Variants in ACP7 observed in about 807,000 individuals in gnomAD.
ACP7 encodes acid phosphatase type 7.
In ACP7, 58 loss-of-function variants were observed where a neutral mutation model predicts 60.6. The ratio of observed to expected loss-of-function variants is 0.96; its 90% CI spans 0.77 to 1.19. The LOEUF (loss-of-function observed/expected upper bound fraction) is 1.19. Ranked by LOEUF, ACP7 falls within the 50% of genes most tolerant of loss-of-function variation. ACP7 has a pLI of 0.00. For synonymous variants in ACP7, 237 were observed against 232.6 expected (o/e 1.02, Z -0.17); for missense variants, 574 against 596.2 (o/e 0.96, Z 0.39).
intron 12 of ACP7, among the ~76,000 whole-genome samples, chr19:39,109,411 A>C (rs1041222751): frequency 1.3e-5 from 2 of 152,090 alleles, no homozygotes; most frequent in Non-Finnish European, 2.9e-5. Context: ...CAACATGCTT[A>C]AGGCCACCTA....
rs778966646 is a variant in ACP7 at position 39,098,585 on chromosome 19, CG to C, written c.254del (p.Gly85AlafsTer116). On this transcript the variant is annotated frameshift_variant, in exon 3 of 13. Transcript: ENST00000331256. LOFTEE classifies it high-confidence loss of function. Reference protein sequence around the residue: ...AQGTFVPFVDGGILRRKLYIH... With the variant: ...AQGTFVPFVDXGILRRKLYIH... Reference sequence around the variant, plus strand: ...AGGGCACCTTCGTCCCCTTTGTGGACGGGGGCATTCTCCGGCGGAAGCTCTA... The same window carrying C: ...AGGGCACCTTCGTCCCCTTTGTGGACGGGGCATTCTCCGGCGGAAGCTCTA... The C allele has an allele frequency of 6.2e-6, 10 of 1,613,456 alleles. No individual in the cohort carries two copies. Among genetic ancestry groups the C allele is most frequent in the African/African-American group, 1.3e-5 (1 of 74,912 alleles).
chr19:39,103,325 T>G (rs1321573169), intron 11 of ACP7, among the ~76,000 whole-genome samples: 7 of 152,180 alleles, frequency 4.6e-5, no homozygotes, highest in Non-Finnish European at 8.8e-5. Flanking sequence ...AACATGAGTG[T>G]TATTTATCTG....
chr19:39,087,699 T>A (rs2073159436), intron 2 of ACP7, among the ~76,000 whole-genome samples: 1 of 151,116 alleles, frequency 6.6e-6, no homozygotes, highest in South Asian at 2.1e-4. Flanking sequence ...AATGGCATGA[T>A]CTTGGCTCAC....
intron 2 of ACP7, among the ~76,000 whole-genome samples, chr19:39,089,597 A>C (rs924488329): frequency 1.3e-5 from 2 of 152,166 alleles, no homozygotes; most frequent in African/African-American, 4.8e-5. Flanking sequence ...TTCCCCTTCC[A>C]GAATCCGATC....
chr19:39,096,865 G>A (rs993056518), intron 2 of ACP7, among the ~76,000 whole-genome samples: 2 of 152,112 alleles, frequency 1.3e-5, no homozygotes, highest in African/African-American at 4.8e-5. Flanking sequence ...GCAGTGGCGT[G>A]CTCTTGGCTC....
At chr19:39,101,942 CAA>C (rs35540772) in intron 11 of ACP7, among the ~76,000 whole-genome samples, 21 of 122,966 alleles carry the variant, frequency 1.7e-4, no homozygotes, top group South Asian at 2.7e-4. Context: ...CTTGTCTATA[CAA>C]AAAAAAAAAA....
At chr19:39,101,404 T>A (rs2073343588) in intron 10 of ACP7, 49 bp downstream of exon 10, 14 of 1,613,608 alleles carry the variant, frequency 8.7e-6, no homozygotes, top group Non-Finnish European at 1.2e-5. Flanking sequence ...GTCAGGGTGG[T>A]CAGAAGGCCC....
chr19:39,105,395 G>A (rs1185299470), intron 11 of ACP7, among the ~76,000 whole-genome samples: 2 of 152,084 alleles, frequency 1.3e-5, no homozygotes, highest in Non-Finnish European at 2.9e-5. Context: ...AAAGCACAGC[G>A]AGTTGTTTTG....
chr19:39,104,605 C>T (rs1025318657), intron 11 of ACP7, among the ~76,000 whole-genome samples: 1 of 152,080 alleles, frequency 6.6e-6, no homozygotes, highest in Non-Finnish European at 1.5e-5. Flanking sequence ...AATTTGAGGC[C>T]GGGCGCGGTG....
At chr19:39,104,434 T>C (rs1284692939) in intron 11 of ACP7, among the ~76,000 whole-genome samples, 1 of 152,022 alleles carries the variant, frequency 6.6e-6, no homozygotes, top group Admixed American at 6.6e-5. Flanking sequence ...AATACCAGAA[T>C]CCCTGGCATT....
At chr19:39,103,441 G>GTTTTTTTTTTTTTTT (rs58293250) in intron 11 of ACP7, among the ~76,000 whole-genome samples, 2 of 64,690 alleles carry the variant, frequency 3.1e-5, no homozygotes, top group African/African-American at 1.3e-4. Flanking sequence ...ATCATCATGT[G>GTTTTTTTTTTTTTTT]TTTTTTTTTT....
In ACP7 at chr19:39,107,578, C is replaced by CAGAAAAAA. The variant is rs1417989587; in HGVS notation, c.1251+495_1251+496insGAAAAAAA. Reference sequence around the variant, plus strand: ...TGGGCGACTGAGCAAGACTCTGTCTCAAAAAAAAAAAAAAAAAAAAAATTA... The same window carrying CAGAAAAAA: ...TGGGCGACTGAGCAAGACTCTGTCTCAGAAAAAAAAAAAAAAAAAAAAAAAAAAAATTA... On this transcript the variant is annotated intron_variant, in intron 12 of 12. Coordinates refer to ENST00000331256, the MANE Select transcript of ACP7 (RefSeq NM_001004318.3). Among the ~76,000 whole-genome samples the CAGAAAAAA allele has an allele frequency of 4.7e-4, 38 of 81,200 alleles. 1 individual carries two copies. The highest frequency in any genetic ancestry group is 1.7e-3 in the African/African-American group (36 of 21,254). The allele number at this position is 81,200 out of a possible 152,430, so 53.3% of individuals were successfully genotyped here.
intron 2 of ACP7, 152 bp downstream of exon 2, chr19:39,085,542 A>G (rs1275574740): frequency 2.3e-5 from 26 of 1,128,486 alleles, no homozygotes; most frequent in Non-Finnish European, 2.9e-5. Flanking sequence ...AATAGGAAGT[A>G]CAGGCTGTGG....
intron 2 of ACP7, among the ~76,000 whole-genome samples, chr19:39,088,167 G>A (rs915355016): frequency 1.3e-5 from 2 of 151,874 alleles, no homozygotes; most frequent in African/African-American, 4.8e-5. Context: ...GACTACAGAC[G>A]TGCACTACCA....
At position 39,110,167 on chromosome 19, in the gene ACP7, G is replaced by A. The variant is rs1336663113; in HGVS notation, c.*49G>A. 20 of 1,559,208 alleles carry A rather than the reference G, an allele frequency of 1.3e-5. No individual in the cohort carries two copies. The highest frequency in any genetic ancestry group is 1.8e-5 in the Non-Finnish European group (20 of 1,132,516). The stretch of plus-strand genomic sequence containing the variant: ...AAGCCTAGGTTTTGCCGCCTTGGCT[G>A]CTGTGACCAGAAACTGCCCAGGCCT... On this transcript the variant is annotated 3_prime_UTR_variant, in exon 13 of 13. Transcript: ENST00000331256.
At chr19:39,085,523 CCTCT>C in intron 2 of ACP7, 133 bp downstream of exon 2, 2 of 1,239,912 alleles carry the variant, frequency 1.6e-6, no homozygotes, top group Non-Finnish European at 2.2e-6. Flanking sequence ...CCATCATCCA[CCTCT>C]GTGGAATAGG....
intron 2 of ACP7, among the ~76,000 whole-genome samples, chr19:39,091,014 G>T (rs2073197577): frequency 6.6e-6 from 1 of 151,960 alleles, no homozygotes; most frequent in Admixed American, 6.6e-5. Context: ...CCTTCAGATT[G>T]CGTTCTGTGT....
intron 11 of ACP7, among the ~76,000 whole-genome samples, chr19:39,102,030 G>A (rs1402606840): frequency 6.6e-6 from 1 of 151,788 alleles, no homozygotes; most frequent in Non-Finnish European, 1.5e-5. Flanking sequence ...TGAGTCAGGA[G>A]GATTGCTTGA....
rs763988870 is a variant in ACP7, at chr19:39,100,212, C to T, written c.506-15C>T. On this transcript the variant is annotated splice_polypyrimidine_tract_variant and intron_variant, in intron 4 of 12. Coordinates refer to ENST00000331256, the MANE Select transcript of ACP7 (RefSeq NM_001004318.3). ...TGGGCCTGGGTCCTCACCCTCCTTCCGCCCCCTCCCCCAGGAGACTTTGCC... is the reference window on the plus strand; with the variant it reads ...TGGGCCTGGGTCCTCACCCTCCTTCTGCCCCCTCCCCCAGGAGACTTTGCC... The T allele has an allele frequency of 1.1e-5, 17 of 1,595,826 alleles. No homozygotes were observed. Among genetic ancestry groups the T allele is most frequent in the Admixed American group, 5.2e-5 (3 of 57,590 alleles).
Sources: gnomAD v4.1 joint callset for allele counts (sites outside exome capture counted in the v4.1 genomes callset) on GRCh38, gnomAD v4.1.1 for gene constraint, MANE v1.5 for transcripts, NCBI Gene and HGNC (gene_info 2026-07-23, HGNC 2026-07-21) for gene names.